The following PRELID2 variants were observed in gnomAD, a reference collection of about 807,000 sequenced individuals.
PRELID2 encodes the protein PRELI domain containing 2.
Under a neutral mutation model 28.4 loss-of-function variants are expected in PRELID2, and 25 were observed. The ratio of observed to expected loss-of-function variants is 0.88; its 90% confidence interval spans 0.64 to 1.23. The LOEUF is 1.23. Among genes scored for constraint, PRELID2 ranks in the 50% most tolerant of loss-of-function variants. PRELID2 has a pLI of 0.00. For missense variants in PRELID2, 201 were observed against 214.4 expected, an observed-to-expected ratio of 0.94 and a Z score of 0.39; for synonymous variants, 76 against 71.6, an observed-to-expected ratio of 1.06 and a Z score of -0.31.
chr5:145,643,795 C>T (rs188962108), intron 1 of PRELID2, among the ~76,000 whole-genome samples: 1 of 152,048 alleles, frequency 6.6e-6, no homozygotes, highest in Non-Finnish European at 1.5e-5. Context: ...CATTGGTTCT[C>T]TTTATGTGAT....
At chr5:145,541,116 TG>T (rs1287189443) in intron 1 of PRELID2, among the ~76,000 whole-genome samples, 46 of 152,162 alleles carry the variant, frequency 3.0e-4, no homozygotes, top group Non-Finnish European at 3.2e-4. Context: ...TCTCCATTTC[TG>T]TTTGTTAAAA....
rs1349529566 is a variant in PRELID2 at position 145,557,329 on chromosome 5, C to A, written n.71-84014G>T. ...GGTACTGATATGAATGAGGTAGAGA[C>A]AACAGGGAGCTTGAGTTAGTTGGGA... is the stretch of plus-strand genomic sequence containing the variant. On this transcript the variant is annotated intron_variant and non_coding_transcript_variant, in intron 1 of 2. Coordinates refer to the PRELID2 transcript ENST00000510259. 2.0e-5 allele frequency among the ~76,000 whole-genome samples: 3 copies of A among 152,158 alleles called. No homozygotes were observed. In the East Asian group the frequency reaches 5.8e-4, roughly 29 times the overall value.
At position 145,669,130 on chromosome 5, in the gene PRELID2, G is replaced by T. The variant is rs115916912; in HGVS notation, n.70+95801C>A. Among the ~76,000 whole-genome samples the T allele has an allele frequency of 5.8e-3, 880 of 152,166 alleles. 12 individuals are homozygous for T. The highest frequency in any genetic ancestry group is 0.02 in the African/African-American group (814 of 41,510). On this transcript the variant is annotated intron_variant and non_coding_transcript_variant, in intron 1 of 2. Transcript: ENST00000510259. ...AACCAATTACTTAGGAAAAGATAGA[G>T]AATTATCGTTAAACTAATTGGGCCG...
intron 1 of PRELID2, among the ~76,000 whole-genome samples, chr5:145,741,050 A>G (rs1206450877): frequency 8.5e-6 from 1 of 118,254 alleles, no homozygotes; most frequent in Non-Finnish European, 1.6e-5. Flanking sequence ...GTATACAAAT[A>G]AAATATGTAT....
the PRELID2 span, among the ~76,000 whole-genome samples, chr5:145,376,047 CTT>C: frequency 2.6e-5 from 4 of 152,120 alleles, no homozygotes; most frequent in Non-Finnish European, 5.9e-5. Context: ...ACAGACGGCT[CTT>C]ATTATTTTGA....
intron 1 of PRELID2, among the ~76,000 whole-genome samples, chr5:145,737,220 T>C (rs1003020778): frequency 6.6e-6 from 1 of 151,978 alleles, no homozygotes; most frequent in African/African-American, 2.4e-5. Flanking sequence ...TGAACAGTTA[T>C]TACAAGAAGA....
intron 1 of PRELID2, among the ~76,000 whole-genome samples, chr5:145,681,973 T>C (rs1306594034): frequency 6.6e-6 from 1 of 152,196 alleles, no homozygotes; most frequent in Non-Finnish European, 1.5e-5. Flanking sequence ...GACTGAAGGT[T>C]TTCAAAAACT....
chr5:145,288,044 A>G, the PRELID2 span, among the ~76,000 whole-genome samples: 3 of 152,134 alleles, frequency 2.0e-5, no homozygotes, highest in African/African-American at 7.2e-5. Context: ...TCATCATATC[A>G]TATCCAGAGT....
chr5:145,420,090 A>G, the PRELID2 span, among the ~76,000 whole-genome samples: 1 of 151,912 alleles, frequency 6.6e-6, no homozygotes, highest in Non-Finnish European at 1.5e-5. Context: ...ATTGATCTAT[A>G]TCTCTGTTTT....
At chr5:145,229,057 T>A in the PRELID2 span, 4 of 1,590,728 alleles carry the variant, frequency 2.5e-6, no homozygotes, top group South Asian at 4.4e-5. Context: ...TCCAGCGCAC[T>A]GTATGAGGAC....
At chr5:145,261,151 C>T in the PRELID2 span, among the ~76,000 whole-genome samples, 1 of 152,140 alleles carries the variant, frequency 6.6e-6, no homozygotes, top group South Asian at 2.1e-4. Context: ...TCCCCCACAG[C>T]AGCTGCAGCA....
intron 1 of PRELID2, among the ~76,000 whole-genome samples, chr5:145,636,130 C>T (rs1342312236): frequency 6.6e-6 from 1 of 152,186 alleles, no homozygotes; most frequent in African/African-American, 2.4e-5. Flanking sequence ...ACTTTACATT[C>T]ATTACTATGT....
chr5:145,364,319 A>C, the PRELID2 span, among the ~76,000 whole-genome samples: 1 of 151,944 alleles, frequency 6.6e-6, no homozygotes, highest in African/African-American at 2.4e-5. Context: ...ATGCATTACA[A>C]CTATTTGACT....
rs1328695707 is a variant in PRELID2, at chr5:145,600,451, A to ATATATATATATATATATG, written n.71-127137_71-127136insCATATATATATATATATA. 1.1e-4 allele frequency among the ~76,000 whole-genome samples: 15 copies of ATATATATATATATATATG among 138,352 alleles called. 1 individual carries two copies. Among genetic ancestry groups the ATATATATATATATATATG allele is most frequent in the African/African-American group, 4.0e-4 (13 of 32,450 alleles). The allele number at this position is 138,352 out of a possible 152,430, so 90.8% of individuals were successfully genotyped here. A position where few individuals can be genotyped will look rare whatever the true frequency, so the allele number is the denominator to read the frequency against. ...AAAAAAAAAATATATATATATATATATATGTATCTCACAGGTGTGATGGGG... is the reference window on the plus strand; with the variant it reads ...AAAAAAAAAATATATATATATATATATATATATATATATATATGTATGTATCTCACAGGTGTGATGGGG... On this transcript the variant is annotated intron_variant and non_coding_transcript_variant, in intron 1 of 2. Transcript: ENST00000510259.
chr5:145,761,164 A>G (rs1295896441), intron 6 of PRELID2, among the ~76,000 whole-genome samples: 1 of 152,226 alleles, frequency 6.6e-6, no homozygotes, highest in Non-Finnish European at 1.5e-5. Context: ...CTGTCTCCTT[A>G]TGCAGATTTC....
chr5:145,241,013 C>G, the PRELID2 span, among the ~76,000 whole-genome samples: 1 of 151,812 alleles, frequency 6.6e-6, no homozygotes, highest in Non-Finnish European at 1.5e-5. Context: ...TGGGCTTCAG[C>G]GTCCTCATCT....
intron 1 of PRELID2, among the ~76,000 whole-genome samples, chr5:145,631,424 C>T (rs1753930480): frequency 6.6e-6 from 1 of 152,184 alleles, no homozygotes; most frequent in East Asian, 1.9e-4. Context: ...AGTCCTCCAA[C>T]CTACCTGATC....
chr5:145,513,606 C>A (rs1025327297), intron 1 of PRELID2, among the ~76,000 whole-genome samples: 1 of 152,108 alleles, frequency 6.6e-6, no homozygotes, highest in Non-Finnish European at 1.5e-5. Flanking sequence ...CCCAACCTAG[C>A]AAGACAGGCC....
intron 1 of PRELID2, among the ~76,000 whole-genome samples, chr5:145,531,013 T>C (rs962967878): frequency 7.2e-5 from 11 of 152,196 alleles, no homozygotes; most frequent in Non-Finnish European, 1.5e-4. Flanking sequence ...GTTTTTTAAT[T>C]GGAAGTAAAT....
Sources: allele counts gnomAD v4.1 joint callset (sites outside exome capture counted in the v4.1 genomes callset), GRCh38; gene constraint gnomAD v4.1.1; transcripts MANE v1.5; gene names NCBI Gene and HGNC (gene_info 2026-07-23, HGNC 2026-07-21).